CDH2: variants seen among roughly 807,000 people sequenced by gnomAD.
CDH2 encodes the protein cadherin 2.
In CDH2, 17 loss-of-function variants were observed where a neutral mutation model predicts 92.0. That is an observed-to-expected ratio of 0.18 (90% CI 0.13 to 0.28). The LOEUF is 0.28. Ranked by LOEUF, CDH2 falls within the 10% of genes least tolerant of loss-of-function variation. CDH2 has a pLI of 1.00. For synonymous variants in CDH2, 419 were observed against 415.9 expected, an observed-to-expected ratio of 1.01 and a Z score of -0.09; for missense variants, 862 against 1,133.1, an observed-to-expected ratio of 0.76 and a Z score of 3.44.
intron 14 of CDH2, among the ~76,000 whole-genome samples, chr18:27,977,295 T>G (rs2011863841): frequency 1.3e-5 from 2 of 152,168 alleles, no homozygotes; most frequent in Admixed American, 6.5e-5. Flanking sequence ...CAGCAGAAGA[T>G]CCACGAACTC....
chr18:28,131,683 G>GGTGTGTGTGTGTGTGT (rs33990872), intron 2 of CDH2, among the ~76,000 whole-genome samples: 125 of 150,288 alleles, frequency 8.3e-4, no homozygotes, highest in South Asian at 1.3e-3. Flanking sequence ...AAGCATTTGT[G>GGTGTGTGTGTGTGTGT]GTGTGTGTGT....
chr18:28,066,301 A>C (rs1277499509), intron 2 of CDH2, among the ~76,000 whole-genome samples: 1 of 152,232 alleles, frequency 6.6e-6, no homozygotes, highest in East Asian at 1.9e-4. Context: ...TTCAAAATGC[A>C]AATATTTCAT....
At chr18:27,971,937 A>G (rs929396642) in intron 14 of CDH2, among the ~76,000 whole-genome samples, 1 of 152,228 alleles carries the variant, frequency 6.6e-6, no homozygotes, top group African/African-American at 2.4e-5. Flanking sequence ...ATACAGCTTC[A>G]TTCTCTAACA....
intron 2 of CDH2, among the ~76,000 whole-genome samples, chr18:28,035,613 C>T (rs1259281469): frequency 2.0e-5 from 3 of 151,992 alleles, no homozygotes; most frequent in South Asian, 2.1e-4. Flanking sequence ...ACGTATGTAA[C>T]ACAAATGACA....
intron 12 of CDH2, 101 bp downstream of exon 12, chr18:27,985,427 T>C (rs2012198860): frequency 1.1e-6 from 1 of 887,898 alleles, no homozygotes; most frequent in Non-Finnish European, 1.7e-6. Flanking sequence ...TTTTAAAATA[T>C]GTATAATGAG....
At chr18:27,953,741 C>T (rs76992945) in intron 15 of CDH2, among the ~76,000 whole-genome samples, 86 of 152,184 alleles carry the variant, frequency 5.7e-4, no homozygotes, top group African/African-American at 2.0e-3. Context: ...GTGGGACCTC[C>T]GCTTAACCTC....
At chr18:27,960,935 A>C (rs2011385609) in intron 15 of CDH2, among the ~76,000 whole-genome samples, 1 of 152,046 alleles carries the variant, frequency 6.6e-6, no homozygotes, top group Non-Finnish European at 1.5e-5. Context: ...GGAAATTCCT[A>C]CTGTAACTCC....
chr18:28,081,580 C>A (rs1458373170), intron 2 of CDH2, among the ~76,000 whole-genome samples: 1 of 152,184 alleles, frequency 6.6e-6, no homozygotes, highest in Non-Finnish European at 1.5e-5. Flanking sequence ...GGACATCCAA[C>A]AAAAGTAAAT....
intron 2 of CDH2, among the ~76,000 whole-genome samples, chr18:28,096,572 C>T (rs1355024038): frequency 1.3e-5 from 2 of 151,848 alleles, no homozygotes; most frequent in African/African-American, 2.4e-5. Flanking sequence ...AAATACACCA[C>T]AAGAAATAAA....
At chr18:28,069,292 G>A (rs1327605098) in intron 2 of CDH2, among the ~76,000 whole-genome samples, 1 of 152,076 alleles carries the variant, frequency 6.6e-6, no homozygotes, top group Non-Finnish European at 1.5e-5. Flanking sequence ...TTTGTTTGAG[G>A]CAACAATCTA....
At chr18:28,029,781 G>C (rs1273257177) in intron 2 of CDH2, among the ~76,000 whole-genome samples, 1 of 152,032 alleles carries the variant, frequency 6.6e-6, no homozygotes, top group African/African-American at 2.4e-5. Context: ...GTTCTGCCTA[G>C]GAGAATTCCA....
At chr18:28,138,726 A>G (rs548533881) in intron 2 of CDH2, among the ~76,000 whole-genome samples, 1 of 152,260 alleles carries the variant, frequency 6.6e-6, no homozygotes, top group East Asian at 1.9e-4. Context: ...TCACCGTTCA[A>G]CATGACTTGT....
At chr18:28,017,139 T>C (rs1266092597) in intron 2 of CDH2, among the ~76,000 whole-genome samples, 3 of 152,180 alleles carry the variant, frequency 2.0e-5, no homozygotes, top group African/African-American at 7.2e-5. Flanking sequence ...CAGAATGATT[T>C]AGGAGGAATT....
At chr18:27,993,202 C>T (rs2012478178) in intron 8 of CDH2, among the ~76,000 whole-genome samples, 1 of 152,176 alleles carries the variant, frequency 6.6e-6, no homozygotes, top group Admixed American at 6.5e-5. Context: ...ATCAGTCATG[C>T]AGCTCATGCA....
chr18:28,011,039 T>C (rs2013084484), intron 4 of CDH2, among the ~76,000 whole-genome samples: 4 of 151,936 alleles, frequency 2.6e-5, no homozygotes, highest in Non-Finnish European at 5.9e-5. Context: ...CATTCTTTGT[T>C]AAAGTGAATT....
intron 2 of CDH2, among the ~76,000 whole-genome samples, chr18:28,103,408 GTA>G (rs1292435866): frequency 1.4e-5 from 2 of 142,476 alleles, no homozygotes; most frequent in East Asian, 2.0e-4. Flanking sequence ...TATAAAGTAT[GTA>G]TATATATAAA....
intron 14 of CDH2, among the ~76,000 whole-genome samples, chr18:27,966,859 G>A (rs1354974391): frequency 6.6e-6 from 1 of 152,036 alleles, no homozygotes; most frequent in East Asian, 1.9e-4. Context: ...CAATGTTTCA[G>A]GCTTATAGAA....
intron 2 of CDH2, among the ~76,000 whole-genome samples, chr18:28,115,880 G>C (rs2015488537): frequency 6.6e-6 from 1 of 152,084 alleles, no homozygotes; most frequent in African/African-American, 2.4e-5. Context: ...TTTTTACACT[G>C]CATTTTTATT....
chr18:28,058,825 T>C (rs994995663), intron 2 of CDH2, among the ~76,000 whole-genome samples: 3 of 152,196 alleles, frequency 2.0e-5, no homozygotes, highest in Non-Finnish European at 4.4e-5. Flanking sequence ...TTTGGCCCAG[T>C]CATGGAACGC....
Sources: allele counts gnomAD v4.1 joint callset (sites outside exome capture counted in the v4.1 genomes callset), GRCh38; gene constraint gnomAD v4.1.1; transcripts MANE v1.5; gene names NCBI Gene and HGNC (gene_info 2026-07-23, HGNC 2026-07-21).